BOK: variants seen among roughly 807,000 people sequenced by gnomAD.
The protein encoded by BOK is bcl-2-related ovarian killer protein.
BOK carries 20 observed loss-of-function variants against 18.3 expected under a neutral mutation model. That is an observed-to-expected ratio of 1.09 (90% CI 0.77 to 1.59). BOK has a LOEUF of 1.59. Ranked by LOEUF, BOK falls within the 40% of genes most tolerant of loss-of-function variation. BOK has a pLI of 0.00. For missense variants in BOK, 348 were observed against 307.9 expected (o/e 1.13, Z -0.97); for synonymous variants, 173 against 142.4 (o/e 1.21, Z -1.53).
At chr2:241,560,095 C>G in intron 2 of BOK, 1 of 985,428 alleles carries the variant, frequency 1.0e-6, no homozygotes, top group Non-Finnish European at 1.2e-6. Flanking sequence ...TGGCCGAGAT[C>G]CCGCCCGCTG....
chr2:241,564,033 C>A (rs961593136), intron 3 of BOK, among the ~76,000 whole-genome samples: 2 of 152,172 alleles, frequency 1.3e-5, no homozygotes, highest in African/African-American at 2.4e-5. Context: ...GCCAAGGCGG[C>A]GGGGGCTGCG....
chr2:241,570,266 GGCTGCGGAGAC>G lies in BOK; in HGVS notation c.494_504del (p.Leu165ArgfsTer5), dbSNP rs1559205951. 1.3e-6 allele frequency: 2 copies of G among 1,573,318 alleles called. No individual in the cohort carries two copies. The highest frequency in any genetic ancestry group is 1.4e-5 in the African/African-American group (1 of 73,884). On this transcript the variant is annotated frameshift_variant, in exon 4 of 5. Coordinates refer to ENST00000318407, the MANE Select transcript of BOK (RefSeq NM_032515.5). LOFTEE classifies it high-confidence loss of function. ...TTCGTGCGCAAGACCCTGGCAACCT[GGCTGCGGAGAC>G]GCGGCGGATGGGTGAGCGCCTGAGT...
chr2:241,560,356 G>A (rs1404442239), intron 2 of BOK: 4 of 925,558 alleles, frequency 4.3e-6, no homozygotes, highest in African/African-American at 1.8e-5. Context: ...GAATGTTTAT[G>A]TGATGCCCGA....
upstream of BOK, among the ~76,000 whole-genome samples, chr2:241,557,566 C>G (rs1041779923): frequency 2.6e-5 from 4 of 152,112 alleles, no homozygotes; most frequent in African/African-American, 9.7e-5. Flanking sequence ...CCCACCTAGG[C>G]CTCCCAAAAT....
chr2:241,566,326 T>C (rs1205851537), intron 3 of BOK, among the ~76,000 whole-genome samples: 2 of 151,092 alleles, frequency 1.3e-5, no homozygotes, highest in Non-Finnish European at 2.9e-5. Context: ...AGATGGAGTT[T>C]CACTCTTGTT....
chr2:241,555,031 A>G (rs2066440089), upstream of BOK, among the ~76,000 whole-genome samples: 1 of 152,100 alleles, frequency 6.6e-6, no homozygotes, highest in Non-Finnish European at 1.5e-5. Context: ...CAAGAAGTCA[A>G]AGCACTCTTG....
intron 4 of BOK, among the ~76,000 whole-genome samples, chr2:241,571,289 T>C (rs1482891677): frequency 6.8e-6 from 1 of 147,568 alleles, no homozygotes; most frequent in South Asian, 2.1e-4. Flanking sequence ...CGCCCCCAAC[T>C]TCCTGCCCTG....
rs780592524 is a variant in BOK, at chr2:241,567,249, C to T, written c.350-2876C>T. Reference sequence around the variant, plus strand: ...TCAAGCGATTCTCCTGCTTCACCCTCCTGAGTAGCTGGGATTACAGGCACC... The same window carrying T: ...TCAAGCGATTCTCCTGCTTCACCCTTCTGAGTAGCTGGGATTACAGGCACC... On this transcript the variant is annotated intron_variant, in intron 3 of 4. Coordinates refer to ENST00000318407, the MANE Select transcript of BOK (RefSeq NM_032515.5). Among the ~76,000 whole-genome samples, 6 of 133,004 alleles carry T rather than the reference C, an allele frequency of 4.5e-5. 2 individuals are homozygous for T. In the East Asian group the frequency reaches 1.6e-3, roughly 36 times the overall value. 87.3% of individuals were successfully genotyped at this position (133,004 alleles called of 152,430 possible).
upstream of BOK, among the ~76,000 whole-genome samples, chr2:241,556,477 G>A (rs936637527): frequency 4.0e-5 from 6 of 149,250 alleles, no homozygotes; most frequent in East Asian, 2.0e-4. Context: ...CCAGCTACTC[G>A]GGAGGCTGAG....
chr2:241,572,153 A>G (rs2066734166), intron 4 of BOK, 144 bp from the exon 5 acceptor site: 2 of 1,327,844 alleles, frequency 1.5e-6, no homozygotes, highest in Admixed American at 2.3e-5. Flanking sequence ...AGTCCAGGCC[A>G]CAGACCTCCT....
rs1214424984 is a variant in BOK at position 241,562,408 on chromosome 2, T to A, written c.281T>A (p.Ile94Asn). Residue 94 changes from isoleucine to asparagine, a missense_variant, in exon 3 of 5, where the codon ATC becomes AAC. Transcript: ENST00000318407. The surrounding 1 kb of genome is among the most constrained non-coding windows in gnomAD (Gnocchi z 4.5). ...CGCAACGTGGCGCGTCAGCTGCACA[T>A]CTCCCTGCAGTCTGAGCCTGTGGTG... ...VYRNVARQLHISLQSEPVVTD... is the reference protein window; with the variant it reads ...VYRNVARQLHNSLQSEPVVTD... The A allele has an allele frequency of 1.2e-6, 2 of 1,612,150 alleles. No individual in the cohort carries two copies. Among genetic ancestry groups the A allele is most frequent in the Non-Finnish European group, 1.7e-6 (2 of 1,179,872 alleles).
intron 3 of BOK, among the ~76,000 whole-genome samples, chr2:241,565,016 A>T (rs1029847795): frequency 6.6e-6 from 1 of 151,988 alleles, no homozygotes; most frequent in Non-Finnish European, 1.5e-5. Flanking sequence ...CTGGGAGGGC[A>T]CCTGGGGGCC....
intron 3 of BOK, among the ~76,000 whole-genome samples, chr2:241,568,018 C>T (rs116091965): frequency 0.012 from 1,838 of 152,102 alleles, 19 homozygotes; most frequent in Middle Eastern, 0.02. Context: ...TTTGCATCCA[C>T]GGACTCACAC....
At chr2:241,566,071 G>A (rs1013796936) in intron 3 of BOK, among the ~76,000 whole-genome samples, 2 of 152,012 alleles carry the variant, frequency 1.3e-5, no homozygotes, top group Non-Finnish European at 2.9e-5. Context: ...GATCACCTGA[G>A]GTCGGGAGTT....
upstream of BOK, among the ~76,000 whole-genome samples, chr2:241,554,238 C>G (rs965468657): frequency 6.6e-6 from 1 of 152,060 alleles, no homozygotes; most frequent in Non-Finnish European, 1.5e-5. Context: ...GAGAGAGGAC[C>G]AGGGTGGGGG....
At chr2:241,563,407 C>T (rs915841875) in intron 3 of BOK, among the ~76,000 whole-genome samples, 7 of 152,206 alleles carry the variant, frequency 4.6e-5, no homozygotes, top group South Asian at 2.1e-4. Context: ...GTGTGGCAGG[C>T]GCTGGGTGCT....
At chr2:241,569,222 C>T in intron 3 of BOK, among the ~76,000 whole-genome samples, 1 of 152,182 alleles carries the variant, frequency 6.6e-6, no homozygotes, top group East Asian at 1.9e-4. Flanking sequence ...CCTCCGCCTC[C>T]CCGGGTTCAA....
At position 241,562,452 on chromosome 2, in the gene BOK, G is replaced by C; in HGVS notation, c.325G>C (p.Val109Leu). The change falls in exon 3 of 5, where the codon GTG becomes CTG. Residue 109 changes from valine (V) to leucine (L), a missense_variant. Coordinates refer to ENST00000318407, the MANE Select transcript of BOK (RefSeq NM_032515.5). The surrounding 1 kb of genome is among the most constrained non-coding windows in gnomAD (Gnocchi z 4.5). ...TGTGGTGACCGATGCGTTCCTGGCC[G>C]TGGCTGGCCACATCTTCTCTGCAGG... is the stretch of plus-strand genomic sequence containing the variant. Reference protein sequence around the residue: ...EPVVTDAFLAVAGHIFSAGIT... With the variant: ...EPVVTDAFLALAGHIFSAGIT... The C allele has an allele frequency of 6.2e-7, 1 of 1,611,526 alleles. No individual in the cohort carries two copies. Among genetic ancestry groups the C allele is most frequent in the Non-Finnish European group, 8.5e-7 (1 of 1,179,654 alleles).
At chr2:241,569,062 T>A (rs2066662339) in intron 3 of BOK, among the ~76,000 whole-genome samples, 1 of 152,204 alleles carries the variant, frequency 6.6e-6, no homozygotes, top group South Asian at 2.1e-4. Context: ...GCCCTCAAGC[T>A]GGGCTTCCCA....
Sources: gnomAD v4.1 joint callset for allele counts (sites outside exome capture counted in the v4.1 genomes callset) on GRCh38, gnomAD v4.1.1 for gene constraint, Gnocchi (gnomAD v3.1) non-coding constraint, MANE v1.5 for transcripts, NCBI Gene and HGNC (gene_info 2026-07-23, HGNC 2026-07-21) for gene names.